SLC25A3: variants seen among roughly 807,000 people sequenced by gnomAD.
SLC25A3 encodes the protein solute carrier family 25 member 3.
SLC25A3 carries 14 observed loss-of-function variants against 37.1 expected under a neutral mutation model. That is an observed-to-expected ratio of 0.38 (90% CI 0.25 to 0.59). The LOEUF (loss-of-function observed/expected upper bound fraction) is 0.59, where lower values mean the gene tolerates loss of function less well. Among genes scored for constraint, SLC25A3 ranks in the 20% least tolerant of loss-of-function variants. SLC25A3 has a pLI of 0.67. For missense variants in SLC25A3, 385 were observed against 458.1 expected (o/e 0.84, Z 1.46); for synonymous variants, 161 against 168.7 (o/e 0.95, Z 0.36).
At position 98,603,152 on chromosome 12, in the gene SLC25A3, A is replaced by G. The variant is rs989397510; in HGVS notation, c.*1624A>G. On this transcript the variant is annotated 3_prime_UTR_variant, in exon 8 of 8. Coordinates refer to ENST00000552981, the MANE Select transcript of SLC25A3 (RefSeq NM_002635.4). The stretch of plus-strand genomic sequence containing the variant: ...TCTTGCTATGTTAGCAAAGCATCCA[A>G]AGATCAATGGTGTATGATAAGCTTT... The G allele has an allele frequency of 4.6e-5, 7 of 152,240 alleles. No individual in the cohort carries two copies. Among genetic ancestry groups the G allele is most frequent in the African/African-American group, 1.4e-4 (6 of 41,464 alleles). The allele number at this position is 152,240 out of a possible 1,614,324, so 9.4% of individuals were successfully genotyped here.
In SLC25A3 at chr12:98,605,018, C is replaced by A. The variant is rs949503028; in HGVS notation, c.*3490C>A. On this transcript the variant is annotated 3_prime_UTR_variant, in exon 8 of 8. Coordinates refer to ENST00000552981, the MANE Select transcript of SLC25A3 (RefSeq NM_002635.4). ...GCTCAAGCGAGCCTTCTGCCTTGGC[C>A]TTCCAAAGGGCTGGGATTAGAGGGC... 1 of 152,278 alleles carries A rather than the reference C, an allele frequency of 6.6e-6. No homozygotes were observed. Among genetic ancestry groups the A allele is most frequent in the African/African-American group, 2.4e-5 (1 of 41,456 alleles). The allele number at this position is 152,278 out of a possible 1,614,324, so 9.4% of individuals were successfully genotyped here.
chr12:98,594,240 C>A (rs778248567), intron 2 of SLC25A3, 105 bp downstream of exon 2: 1 of 975,584 alleles, frequency 1.0e-6, no homozygotes, highest in Non-Finnish European at 1.6e-6. Context: ...GAGTCCAGCC[C>A]GCTGCACCGT....
intron 2 of SLC25A3, chr12:98,594,829 A>T (rs895336882): frequency 1.3e-4 from 24 of 188,302 alleles, no homozygotes; most frequent in Non-Finnish European, 2.2e-4. Flanking sequence ...TAAGAATGTT[A>T]TCTACCTTGT....
rs2097594960 is a variant in SLC25A3, at chr12:98,598,540, C to T, written c.478C>T (p.Arg160Cys). Residue 160 changes from arginine to cysteine, a missense_variant, in exon 5 of 8, where the codon CGC becomes TGC. This residue lies in a region of SLC25A3 where 276 missense variants were observed against 367.6 expected (regional missense o/e 0.75). Coordinates refer to ENST00000552981, the MANE Select transcript of SLC25A3 (RefSeq NM_002635.4). ...MLGEENTYLW[R>C]TSLYLAASAS... is the part of the protein sequence containing the mutation. ...ATTTTAGGAGAATACTTATCTCTGG[C>T]GCACATCACTATATTTGGCTGCCTC... The T allele has an allele frequency of 3.1e-6, 5 of 1,612,720 alleles. No individual in the cohort carries two copies. Among genetic ancestry groups the T allele is most frequent in the Non-Finnish European group, 4.2e-6 (5 of 1,179,882 alleles).
chr12:98,595,024 C>G (rs1196701313), intron 2 of SLC25A3: 1 of 217,762 alleles, frequency 4.6e-6, no homozygotes, highest in East Asian at 1.1e-4. Context: ...TACAGGAGTT[C>G]TTAAGTGGGG....
rs1019120774 is a variant in SLC25A3, at chr12:98,600,262, T to C, written c.814+135T>C. On this transcript the variant is annotated intron_variant, in intron 6 of 7. Coordinates refer to ENST00000552981, the MANE Select transcript of SLC25A3 (RefSeq NM_002635.4). Reference sequence around the variant, plus strand: ...TTGTTTTTTTGGTTTCCCTGAGGCATAGTCTCGCTCTGTTGCCCAGGCTGG... The same window carrying C: ...TTGTTTTTTTGGTTTCCCTGAGGCACAGTCTCGCTCTGTTGCCCAGGCTGG... The C allele has an allele frequency of 2.0e-5, 14 of 693,044 alleles. No homozygotes were observed. In the African/African-American group the frequency reaches 2.1e-4, roughly 10 times the overall value. The allele number at this position is 693,044 out of a possible 1,614,324, so 42.9% of individuals were successfully genotyped here.
chr12:98,597,661 T>C, intron 3 of SLC25A3, 195 bp from the exon 4 acceptor site: 2 of 643,084 alleles, frequency 3.1e-6, no homozygotes, highest in South Asian at 3.9e-5. Context: ...TGAGCTCAGG[T>C]AATCCACCTG....
rs1186343959 is a variant in SLC25A3, at chr12:98,603,638, C to G, written c.*2110C>G. 2.6e-5 allele frequency: 4 copies of G among 152,176 alleles called. No individual in the cohort carries two copies. Among genetic ancestry groups the G allele is most frequent in the Admixed American group, 6.5e-5 (1 of 15,284 alleles). The allele number at this position is 152,176 out of a possible 1,614,324, so 9.4% of individuals were successfully genotyped here. On this transcript the variant is annotated 3_prime_UTR_variant, in exon 8 of 8. Coordinates refer to ENST00000552981, the MANE Select transcript of SLC25A3 (RefSeq NM_002635.4). ...CCCTTACTGAGGCAGTTCTGCCAAT[C>G]AGGATTCAAGTTTTATTTCCTAAGA...
chr12:98,605,024 A>G lies in SLC25A3; in HGVS notation c.*3496A>G, dbSNP rs1490491216. 2.0e-5 allele frequency: 3 copies of G among 152,228 alleles called. No individual in the cohort carries two copies. The highest frequency in any genetic ancestry group is 7.2e-5 in the African/African-American group (3 of 41,444). 9.4% of individuals were successfully genotyped at this position (152,228 alleles called of 1,614,324 possible). ...GCGAGCCTTCTGCCTTGGCCTTCCA[A>G]AGGGCTGGGATTAGAGGGCTGAGCC... On this transcript the variant is annotated 3_prime_UTR_variant, in exon 8 of 8. Coordinates refer to ENST00000552981, the MANE Select transcript of SLC25A3 (RefSeq NM_002635.4).
chr12:98,601,317 C>T lies in SLC25A3; in HGVS notation c.925+36C>T, dbSNP rs376457266. On this transcript the variant is annotated intron_variant, in intron 7 of 7. Coordinates refer to ENST00000552981, the MANE Select transcript of SLC25A3 (RefSeq NM_002635.4). ...GTTTTTTTCTTGAAAGAAAGAACAACAGTTTTGGATATGTTGCATTTTTTT... is the reference window on the plus strand; with the variant it reads ...GTTTTTTTCTTGAAAGAAAGAACAATAGTTTTGGATATGTTGCATTTTTTT... 5.0e-6 allele frequency: 8 copies of T among 1,614,016 alleles called. No individual in the cohort carries two copies. In the South Asian group the frequency reaches 8.8e-5, roughly 18 times the overall value.
Position 98,601,602 on chromosome 12 carries a change from T to A in SLC25A3, c.*74T>A. 1 of 951,054 alleles carries A rather than the reference T, an allele frequency of 1.1e-6. No homozygotes were observed. The highest frequency in any genetic ancestry group is 1.3e-5 in the South Asian group (1 of 76,126). The allele number at this position is 951,054 out of a possible 1,614,324, so 58.9% of individuals were successfully genotyped here. A position where few individuals can be genotyped will look rare whatever the true frequency, so the allele number is the denominator to read the frequency against. On this transcript the variant is annotated 3_prime_UTR_variant, in exon 8 of 8. Transcript: ENST00000552981. Reference sequence around the variant, plus strand: ...AGAAAGTGCAAAAGGAACTTTTATATATTTGACAGTGTAGGAAATTGTCTA... The same window carrying A: ...AGAAAGTGCAAAAGGAACTTTTATAAATTTGACAGTGTAGGAAATTGTCTA...
intron 6 of SLC25A3, 75 bp downstream of exon 6, chr12:98,600,202 G>C: frequency 9.5e-7 from 1 of 1,052,314 alleles, no homozygotes; most frequent in South Asian, 1.3e-5. Context: ...TTTTTTGAGA[G>C]GGAAAAATAC....
At position 98,601,574 on chromosome 12, in the gene SLC25A3, TGAA is replaced by T; in HGVS notation, c.*50_*52del. ...ACTGAATCTGCTTGTTGATCAGTGT[TGAA>T]GAAAGTGCAAAAGGAACTTTTATAT... is the stretch of plus-strand genomic sequence containing the variant. On this transcript the variant is annotated 3_prime_UTR_variant, in exon 8 of 8. Transcript: ENST00000552981. 2.3e-6 allele frequency: 3 copies of T among 1,279,828 alleles called. No individual in the cohort carries two copies. The highest frequency in any genetic ancestry group is 3.4e-6 in the Non-Finnish European group (3 of 875,350). The allele number at this position is 1,279,828 out of a possible 1,614,324, so 79.3% of individuals were successfully genotyped here. A position where few individuals can be genotyped will look rare whatever the true frequency, so the allele number is the denominator to read the frequency against.
At chr12:98,599,807 T>G in intron 5 of SLC25A3, 148 bp from the exon 6 acceptor site, 2 of 874,570 alleles carry the variant, frequency 2.3e-6, no homozygotes, top group Non-Finnish European at 3.9e-6. Flanking sequence ...TGCATGTTAG[T>G]CTAACGTTCT....
At chr12:98,598,176 T>A in intron 4 of SLC25A3, 141 bp downstream of exon 4, 1 of 789,572 alleles carries the variant, frequency 1.3e-6, no homozygotes. Flanking sequence ...ATCGTATGCC[T>A]GTGTCAGCAG....
rs1201653357 is a variant in SLC25A3, at chr12:98,605,962, T to C, written c.*4434T>C. ...GTGAGACCCCTCTCTCTACAAAAAA[T>C]AAATTAGCCAGGCATGGTGGCACGT... On this transcript the variant is annotated 3_prime_UTR_variant, in exon 8 of 8. Transcript: ENST00000552981. The C allele has an allele frequency of 2.0e-5, 3 of 151,282 alleles. No individual in the cohort carries two copies. The highest frequency in any genetic ancestry group is 4.9e-5 in the African/African-American group (2 of 41,090). The allele number at this position is 151,282 out of a possible 1,614,324, so 9.4% of individuals were successfully genotyped here. A position where few individuals can be genotyped will look rare whatever the true frequency, so the allele number is the denominator to read the frequency against.
intron 2 of SLC25A3, chr12:98,595,245 T>C: frequency 1.6e-6 from 1 of 618,986 alleles, no homozygotes; most frequent in South Asian, 1.9e-5. Context: ...TAGTATCAGA[T>C]ACAGAACCCT....
Position 98,595,854 on chromosome 12 carries a change from T to G in SLC25A3, c.279+6T>G. ...TAGTGAAATGCCGTATGCAGGTTTG[T>G]ATTGAGATGACAACATTGAAAGTAT... On this transcript the variant is annotated splice_donor_region_variant and intron_variant, in intron 3 of 7. Transcript: ENST00000552981. 6.2e-7 allele frequency: 1 copy of G among 1,612,016 alleles called. No homozygotes were observed. The highest frequency in any genetic ancestry group is 8.5e-7 in the Non-Finnish European group (1 of 1,178,102).
Position 98,601,188 on chromosome 12 carries a change from A to G in SLC25A3, c.832A>G (p.Ile278Val), listed in dbSNP as rs761596402. 59 of 1,612,992 alleles carry G rather than the reference A, an allele frequency of 3.7e-5. No homozygotes were observed. The Admixed American group carries it at 6.3e-4, about 17-fold the overall frequency. ...TTTTTCAGCTGGAGTCTTTTGTGCA[A>G]TTGTTTCTCACCCTGCTGATTCTGT... is the stretch of plus-strand genomic sequence containing the variant. ...AGYIAGVFCA[I>V]VSHPADSVVS... is the part of the protein sequence containing the mutation. The change falls in exon 7 of 8, where the codon ATT becomes GTT. Residue 278 changes from isoleucine (I) to valine (V), a missense_variant. Transcript: ENST00000552981.
Sources: gnomAD v4.1 joint callset for allele counts on GRCh38, gnomAD v4.1.1 for gene constraint, gnomAD v4.1.1 regional missense constraint, MANE v1.5 for transcripts, NCBI Gene and HGNC (gene_info 2026-07-23, HGNC 2026-07-21) for gene names.